The following LRBA variants were observed in gnomAD, a reference collection of about 807,000 sequenced individuals.
LRBA encodes LPS responsive beige-like anchor protein.
Under a neutral mutation model 330.0 loss-of-function variants are expected in LRBA, and 176 were observed. The ratio of observed to expected loss-of-function variants is 0.53; its 90% confidence interval spans 0.47 to 0.60. The LOEUF (loss-of-function observed/expected upper bound fraction) is 0.60. LRBA is among the 20% of genes least tolerant of loss of function. The probability of loss-of-function intolerance (pLI) is 0.00; values close to 1 mark genes in which losing one functional copy is unlikely to be tolerated. For synonymous variants in LRBA, 1,230 were observed against 1,193.0 expected, an observed-to-expected ratio of 1.03 and a Z score of -0.64; for missense variants, 3,259 against 3,444.8, an observed-to-expected ratio of 0.95 and a Z score of 1.35.
intron 30 of LRBA, among the ~76,000 whole-genome samples, chr4:150,826,046 G>C (rs1327056219): frequency 6.6e-6 from 1 of 152,100 alleles, no homozygotes; most frequent in Non-Finnish European, 1.5e-5. Flanking sequence ...CACTGAAAAT[G>C]CAGCTTTTAT....
At chr4:150,848,741 C>G in intron 26 of LRBA, 77 bp downstream of exon 26, 1 of 1,105,500 alleles carries the variant, frequency 9.0e-7, no homozygotes, top group Non-Finnish European at 1.3e-6. Flanking sequence ...CAACAGAAGA[C>G]GGATAATTTT....
intron 37 of LRBA, among the ~76,000 whole-genome samples, chr4:150,616,410 T>A (rs1775773758): frequency 6.6e-6 from 1 of 152,142 alleles, no homozygotes; most frequent in Admixed American, 6.5e-5. Flanking sequence ...TTTACTCATC[T>A]CATATTGGCA....
Position 150,590,824 on chromosome 4 carries a change from A to C in LRBA, c.6082T>G (p.Ser2028Ala), listed in dbSNP as rs1375365698. Residue 2028 changes from serine (S) to alanine (A), a missense_variant, in exon 39 of 57, where the codon TCC (serine) becomes GCC (alanine). Coordinates refer to ENST00000651943, the MANE Select transcript of LRBA (RefSeq NM_001364905.1). ...TTTCCTAAAGCCTGACTCCTGATGG[A>C]CTGTTTTCCTTTAGCAAGGATATCT... ...DEDILAKGKQSIRSQALGNQN... is the reference protein window; with the variant it reads ...DEDILAKGKQAIRSQALGNQN... 6.2e-7 allele frequency: 1 copy of C among 1,613,626 alleles called. No individual in the cohort carries two copies. The highest frequency in any genetic ancestry group is 8.5e-7 in the Non-Finnish European group (1 of 1,179,762).
At position 150,266,552 on chromosome 4, in the gene LRBA, C is replaced by A. The variant is rs372788516; in HGVS notation, c.8469-740G>T. 3.9e-5 allele frequency among the ~76,000 whole-genome samples: 6 copies of A among 152,066 alleles called. No homozygotes were observed. In the East Asian group the frequency reaches 9.6e-4, roughly 24 times the overall value. ...TTTGGTTAGGACCAGCCCTTAGAAG[C>A]CATATTCAGTATCCTTCCTAGTACC... On this transcript the variant is annotated intron_variant, in intron 56 of 56. Transcript: ENST00000651943.
intron 31 of LRBA, among the ~76,000 whole-genome samples, chr4:150,813,143 G>A (rs1305991208): frequency 8.0e-6 from 1 of 124,968 alleles, no homozygotes; most frequent in Non-Finnish European, 1.6e-5. Context: ...GGGAAACAAA[G>A]ACAGACCCTG....
At chr4:150,988,121 A>C (rs1741664939) in intron 2 of LRBA, among the ~76,000 whole-genome samples, 1 of 152,182 alleles carries the variant, frequency 6.6e-6, no homozygotes, top group Non-Finnish European at 1.5e-5. Flanking sequence ...CAAGAAAAAA[A>C]TAATAAAGTC....
At position 150,528,206 on chromosome 4, in the gene LRBA, G is replaced by A. The variant is rs1005184628; in HGVS notation, c.6331-37171C>T. On this transcript the variant is annotated intron_variant, in intron 40 of 56. Transcript: ENST00000651943. ...TTGGAAGATAGGGATAGGGAAAAATGCGTGTGAGAAATATGATGATAAAGA... is the reference window on the plus strand; with the variant it reads ...TTGGAAGATAGGGATAGGGAAAAATACGTGTGAGAAATATGATGATAAAGA... Among the ~76,000 whole-genome samples the A allele has an allele frequency of 2.6e-5, 4 of 152,168 alleles. No homozygotes were observed. In the East Asian group the frequency reaches 7.7e-4, roughly 29 times the overall value.
chr4:150,913,353 G>C (rs960639103), intron 9 of LRBA, among the ~76,000 whole-genome samples: 6 of 152,176 alleles, frequency 3.9e-5, no homozygotes, highest in Admixed American at 6.5e-5. Flanking sequence ...TGTAATCCCA[G>C]GTACTTGGGA....
chr4:150,854,107 G>A (rs11099777), intron 22 of LRBA, among the ~76,000 whole-genome samples: 12,416 of 151,912 alleles, frequency 0.082, 694 homozygotes, highest in East Asian at 0.25. Flanking sequence ...TCCTTCTATC[G>A]ACATTAACTC....
At chr4:150,760,896 C>A (rs72738353) in intron 35 of LRBA, among the ~76,000 whole-genome samples, 1 of 152,132 alleles carries the variant, frequency 6.6e-6, no homozygotes, top group African/African-American at 2.4e-5. Flanking sequence ...AATAAAGTTA[C>A]GAATACTCTT....
At chr4:150,692,942 C>A (rs1470423805) in intron 36 of LRBA, among the ~76,000 whole-genome samples, 1 of 152,068 alleles carries the variant, frequency 6.6e-6, no homozygotes, top group Non-Finnish European at 1.5e-5. Flanking sequence ...CAGAAATGCA[C>A]AAGGATGTAC....
intron 2 of LRBA, among the ~76,000 whole-genome samples, chr4:150,959,753 T>C (rs1737927891): frequency 6.9e-6 from 1 of 145,438 alleles, no homozygotes. Flanking sequence ...ATATGTAACA[T>C]AGTGTAAATC....
At chr4:150,448,201 A>C (rs1308592154) in intron 44 of LRBA, among the ~76,000 whole-genome samples, 1 of 152,224 alleles carries the variant, frequency 6.6e-6, no homozygotes, top group Non-Finnish European at 1.5e-5. Context: ...GATTGTATCT[A>C]AGGGACATAA....
At chr4:150,988,486 C>A (rs1007005909) in intron 2 of LRBA, among the ~76,000 whole-genome samples, 2 of 152,138 alleles carry the variant, frequency 1.3e-5, no homozygotes. Flanking sequence ...TGAAAAAATG[C>A]AAGAATGTTG....
intron 40 of LRBA, among the ~76,000 whole-genome samples, chr4:150,510,854 TTTAC>T (rs1228080309): frequency 1.3e-5 from 2 of 152,114 alleles, no homozygotes; most frequent in South Asian, 2.1e-4. Context: ...ATTTTATTTA[TTTAC>T]TTTTCATTAT....
chr4:150,824,976 G>C (rs557287752), intron 30 of LRBA, among the ~76,000 whole-genome samples: 14 of 151,544 alleles, frequency 9.2e-5, no homozygotes, highest in Admixed American at 6.6e-4. Context: ...TGTTGCCCAG[G>C]CTAGTCTCAA....
At chr4:150,941,342 AG>A (rs1397643271) in intron 2 of LRBA, among the ~76,000 whole-genome samples, 2 of 151,906 alleles carry the variant, frequency 1.3e-5, no homozygotes, top group Non-Finnish European at 2.9e-5. Flanking sequence ...TAGTAGAGAC[AG>A]GGTTTCACCA....
At chr4:150,966,467 C>T (rs1738899660) in intron 2 of LRBA, among the ~76,000 whole-genome samples, 2 of 150,400 alleles carry the variant, frequency 1.3e-5, no homozygotes, top group Admixed American at 1.3e-4. Context: ...CGCCACCACA[C>T]CCAGCTAATT....
At chr4:151,009,991 T>A (rs534033862) in intron 2 of LRBA, among the ~76,000 whole-genome samples, 99 of 151,106 alleles carry the variant, frequency 6.6e-4, no homozygotes, top group South Asian at 8.4e-4. Context: ...AAAAAATAAA[T>A]AAATAAATAA....
Sources: allele counts gnomAD v4.1 joint callset (sites outside exome capture counted in the v4.1 genomes callset), GRCh38; gene constraint gnomAD v4.1.1; transcripts MANE v1.5; gene names NCBI Gene and HGNC (gene_info 2026-07-23, HGNC 2026-07-21).